The following CRY1 variants were observed in gnomAD, a reference collection of about 807,000 sequenced individuals.
CRY1 encodes cryptochrome circadian regulator 1, also known as cryptochrome-1.
CRY1 carries 45 observed loss-of-function variants against 76.0 expected under a neutral mutation model. That is an observed-to-expected ratio of 0.59 (90% CI 0.47 to 0.76). The LOEUF is 0.76. Among genes scored for constraint, CRY1 ranks in the 30% least tolerant of loss-of-function variants. The pLI is 0.00. For synonymous variants in CRY1, 248 were observed against 244.0 expected (o/e 1.02, Z -0.15); for missense variants, 587 against 716.4 (o/e 0.82, Z 2.06).
At chr12:107,056,600 T>C (rs1952985448) in intron 1 of CRY1, among the ~76,000 whole-genome samples, 1 of 151,926 alleles carries the variant, frequency 6.6e-6, no homozygotes, top group African/African-American at 2.4e-5. Context: ...TTTAAGCTCA[T>C]CAGCTATCAT....
intron 2 of CRY1, among the ~76,000 whole-genome samples, chr12:107,012,196 A>G (rs745423305): frequency 2.6e-5 from 4 of 152,196 alleles, no homozygotes; most frequent in Non-Finnish European, 4.4e-5. Context: ...TCTCAAAAAT[A>G]AAAAAAGAAG....
chr12:107,035,408 T>C (rs1952723231), intron 1 of CRY1, among the ~76,000 whole-genome samples: 1 of 152,210 alleles, frequency 6.6e-6, no homozygotes, highest in South Asian at 2.1e-4. Context: ...ATTAAGTGCC[T>C]GCTATCATGA....
intron 2 of CRY1, among the ~76,000 whole-genome samples, chr12:107,007,340 G>C (rs1278589962): frequency 6.6e-6 from 1 of 152,126 alleles, no homozygotes; most frequent in African/African-American, 2.4e-5. Context: ...AAAATGGGTA[G>C]AGTAAGTAAG....
In CRY1 at chr12:106,999,923, C is replaced by T. The variant is rs1170356074; in HGVS notation, c.825+19G>A. 8 of 1,591,582 alleles carry T rather than the reference C, an allele frequency of 5.0e-6. No homozygotes were observed. The highest frequency in any genetic ancestry group is 6.8e-6 in the Non-Finnish European group (8 of 1,174,158). ...TTTTTTTAAAGTATTAAACAATAAG[C>T]TCTAATTTTAGAGAATACCTTTTTG... is the stretch of plus-strand genomic sequence containing the variant. On this transcript the variant is annotated intron_variant, in intron 6 of 12. Transcript: ENST00000008527.
chr12:107,090,423 G>T (rs190616071), intron 1 of CRY1, among the ~76,000 whole-genome samples: 1 of 152,110 alleles, frequency 6.6e-6, no homozygotes, highest in East Asian at 1.9e-4. Flanking sequence ...TACTCTTCTG[G>T]GTTTTCTTCT....
intron 1 of CRY1, among the ~76,000 whole-genome samples, chr12:107,069,198 C>T (rs372501170): frequency 6.6e-6 from 1 of 151,168 alleles, no homozygotes; most frequent in African/African-American, 2.4e-5. Context: ...TTTCTCCACA[C>T]CCTCGCCAAC....
intron 1 of CRY1, among the ~76,000 whole-genome samples, chr12:107,048,711 C>T (rs1349292202): frequency 6.6e-6 from 1 of 152,204 alleles, no homozygotes; most frequent in East Asian, 1.9e-4. Context: ...ATAAACCTAT[C>T]CACTGACTTG....
intron 10 of CRY1, among the ~76,000 whole-genome samples, chr12:106,995,769 AC>A (rs1566239339): frequency 6.6e-6 from 1 of 152,014 alleles, no homozygotes; most frequent in Non-Finnish European, 1.5e-5. Flanking sequence ...AGGTATTAAG[AC>A]CAGCATGCAT....
chr12:107,075,401 CTAAT>C (rs755873203), intron 1 of CRY1, among the ~76,000 whole-genome samples: 7 of 152,074 alleles, frequency 4.6e-5, no homozygotes, highest in Non-Finnish European at 7.4e-5. Flanking sequence ...AAAAGTTTGT[CTAAT>C]TAACTATCTG....
intron 1 of CRY1, 64 bp downstream of exon 1, chr12:107,092,740 T>A: frequency 6.3e-7 from 1 of 1,592,198 alleles, no homozygotes; most frequent in Non-Finnish European, 8.6e-7. Flanking sequence ...GCGGATCGCA[T>A]GGAATTCATT....
intron 1 of CRY1, among the ~76,000 whole-genome samples, chr12:107,041,937 GA>G (rs1195370058): frequency 3.3e-5 from 5 of 152,128 alleles, no homozygotes; most frequent in Non-Finnish European, 5.9e-5. Flanking sequence ...CTGCGGAAAG[GA>G]AAACAGAAGA....
chr12:107,045,577 T>C (rs1233639298), intron 1 of CRY1, among the ~76,000 whole-genome samples: 1 of 152,260 alleles, frequency 6.6e-6, no homozygotes, highest in African/African-American at 2.4e-5. Flanking sequence ...CCCATGCCTA[T>C]GTCCCGAATG....
intron 1 of CRY1, among the ~76,000 whole-genome samples, chr12:107,057,056 G>A (rs929780549): frequency 6.6e-6 from 1 of 151,964 alleles, no homozygotes; most frequent in Non-Finnish European, 1.5e-5. Context: ...TAAGAAATAT[G>A]TAAAGCTATC....
At chr12:107,085,648 C>T (rs184117793) in intron 1 of CRY1, among the ~76,000 whole-genome samples, 3 of 151,830 alleles carry the variant, frequency 2.0e-5, no homozygotes, top group East Asian at 1.9e-4. Flanking sequence ...CAGCACATAC[C>T]GGGGCCTGCC....
chr12:107,058,167 G>A (rs982199422), intron 1 of CRY1, among the ~76,000 whole-genome samples: 1 of 152,114 alleles, frequency 6.6e-6, no homozygotes, highest in African/African-American at 2.4e-5. Context: ...CTCATGGCAA[G>A]AAAATTAACA....
intron 1 of CRY1, among the ~76,000 whole-genome samples, chr12:107,072,772 T>G (rs906529471): frequency 4.6e-5 from 7 of 152,232 alleles, no homozygotes; most frequent in African/African-American, 1.4e-4. Flanking sequence ...TTGTATTTCT[T>G]ATCTTCTTAT....
intron 3 of CRY1, among the ~76,000 whole-genome samples, chr12:107,004,726 A>G (rs574090121): frequency 4.6e-5 from 7 of 152,206 alleles, no homozygotes; most frequent in Non-Finnish European, 1.0e-4. Context: ...AGCATACAAA[A>G]TATGTCAAGG....
At chr12:107,040,373 G>GCCTC (rs1952784854) in intron 1 of CRY1, among the ~76,000 whole-genome samples, 1 of 141,378 alleles carries the variant, frequency 7.1e-6, no homozygotes, top group Non-Finnish European at 1.5e-5. Flanking sequence ...TGCAACCTCT[G>GCCTC]CCTCCTGGTT....
At position 106,993,795 on chromosome 12, in the gene CRY1, T is replaced by A. The variant is rs1952204545; in HGVS notation, c.1586-759A>T. Among the ~76,000 whole-genome samples the A allele has an allele frequency of 1.3e-5, 2 of 152,096 alleles. 1 individual carries two copies. On this transcript the variant is annotated intron_variant, in intron 10 of 12. Coordinates refer to ENST00000008527, the MANE Select transcript of CRY1 (RefSeq NM_004075.5). ...TATCCCATAGTTGTTTTAATTTGCATTTCCCTAATGACTAATAATGCCGAT... is the reference window on the plus strand; with the variant it reads ...TATCCCATAGTTGTTTTAATTTGCAATTCCCTAATGACTAATAATGCCGAT...
Sources: allele counts gnomAD v4.1 joint callset (sites outside exome capture counted in the v4.1 genomes callset), GRCh38; gene constraint gnomAD v4.1.1; transcripts MANE v1.5; gene names NCBI Gene and HGNC (gene_info 2026-07-23, HGNC 2026-07-21).